Variants in PZP observed in about 807,000 individuals in gnomAD.
PZP encodes PZP alpha-2-macroglobulin like, also known as pregnancy zone protein.
In PZP, 150 loss-of-function variants were observed where a neutral mutation model predicts 179.8. That is an observed-to-expected ratio of 0.83 (90% confidence interval 0.73 to 0.96). The LOEUF (loss-of-function observed/expected upper bound fraction) is 0.96, where lower values mean the gene tolerates loss of function less well. PZP is among the 40% of genes least tolerant of loss of function. PZP has a pLI of 0.00. For missense variants in PZP, 1,689 were observed against 1,764.0 expected, an observed-to-expected ratio of 0.96 and a Z score of 0.76; for synonymous variants, 624 against 652.3, an observed-to-expected ratio of 0.96 and a Z score of 0.66.
At chr12:9,169,114 A>C (rs1941799267) in intron 16 of PZP, 140 bp from the exon 17 acceptor site, 1 of 620,462 alleles carries the variant, frequency 1.6e-6, no homozygotes, top group African/African-American at 1.9e-5. Flanking sequence ...AATATAGAGT[A>C]GTGAAATTAC....
At chr12:9,149,077 T>C (rs1256615887) in intron 35 of PZP, 83 bp from the exon 36 acceptor site, 1 of 1,294,804 alleles carries the variant, frequency 7.7e-7, no homozygotes, top group Admixed American at 1.7e-5. Flanking sequence ...AGTGAGCTTA[T>C]GCAGGGTCAG....
the PZP span, among the ~76,000 whole-genome samples, chr12:9,137,107 C>T: frequency 6.6e-6 from 1 of 152,154 alleles, no homozygotes; most frequent in Admixed American, 6.5e-5. Flanking sequence ...ATTGCCAAGA[C>T]CAAGATCATA....
chr12:9,138,823 A>T, the PZP span, among the ~76,000 whole-genome samples: 3,476 of 152,024 alleles, frequency 0.023, 134 homozygotes, highest in African/African-American at 0.078. Flanking sequence ...GAGCAGTTAT[A>T]ATGTATCTTC....
chr12:9,207,425 A>C (rs1944491857), intron 1 of PZP, among the ~76,000 whole-genome samples: 1 of 152,216 alleles, frequency 6.6e-6, no homozygotes, highest in Non-Finnish European at 1.5e-5. Context: ...CCTGGACTGC[A>C]AAGGGGCAAG....
chr12:9,156,791 G>T (rs1940786420), intron 28 of PZP, among the ~76,000 whole-genome samples: 1 of 152,162 alleles, frequency 6.6e-6, no homozygotes, highest in South Asian at 2.1e-4. Context: ...GTGGATTTCA[G>T]AAGGAATATA....
intron 13 of PZP, among the ~76,000 whole-genome samples, chr12:9,191,759 A>G (rs766272596): frequency 2.6e-5 from 4 of 152,246 alleles, no homozygotes; most frequent in South Asian, 2.1e-4. Context: ...AGTGAATCCA[A>G]TTTCGTATAT....
chr12:9,202,326 T>G lies in PZP; in HGVS notation c.473A>C (p.Asn158Thr). Reference protein sequence around the residue: ...VSVDENFRPRNELIPLIYLEN... With the variant: ...VSVDENFRPRTELIPLIYLEN... ...CAGATAGTGGATGCTTACCAGTTCA[T>G]TTCGAGGGCGAAAATTTTCATCCAC... is the stretch of plus-strand genomic sequence containing the variant. The change falls in exon 4 of 36, where the codon AAT becomes ACT. Residue 158 changes from asparagine (N) to threonine (T), a missense_variant. Asn to Thr is a moderately conservative substitution (Grantham distance 65). This residue lies in a region of PZP where 742 missense variants were observed against 730.5 expected (regional missense o/e 1.02). Coordinates refer to ENST00000261336, the MANE Select transcript of PZP (RefSeq NM_002864.3). 6.2e-7 allele frequency: 1 copy of G among 1,613,906 alleles called. No homozygotes were observed. Among genetic ancestry groups the G allele is most frequent in the Non-Finnish European group, 8.5e-7 (1 of 1,179,772 alleles).
chr12:9,157,299 C>G lies in PZP; in HGVS notation c.3426G>C (p.Lys1142Asn), dbSNP rs1940831041. 6.2e-7 allele frequency: 1 copy of G among 1,613,928 alleles called. No individual in the cohort carries two copies. Among genetic ancestry groups the G allele is most frequent in the African/African-American group, 1.3e-5 (1 of 74,908 alleles). The change falls in exon 28 of 36, where the codon AAG becomes AAC. Residue 1142 changes from lysine to asparagine, a missense_variant. Physicochemically the swap from Lys to Asn is moderately conservative, Grantham distance 94. Around this residue, in one of 3 missense-constraint regions of PZP, gnomAD observed 746 missense variants for 749.2 expected, o/e 1.00. Transcript: ENST00000261336. ...FCLESAWNVA[K>N]EGTHGSHVYT... is the part of the protein sequence containing the mutation. ...AGACATGGCTCCCATGGGTCCCCTC[C>G]TTTGCTACATTCCAGGCTGACTCCA... is the stretch of plus-strand genomic sequence containing the variant.
chr12:9,200,549 A>C, intron 6 of PZP, 101 bp from the exon 7 acceptor site: 1 of 906,410 alleles, frequency 1.1e-6, no homozygotes, highest in Non-Finnish European at 1.7e-6. Flanking sequence ...TAACACTCTG[A>C]ATGTTAGATT....
intron 25 of PZP, among the ~76,000 whole-genome samples, chr12:9,158,912 T>C (rs1304829392): frequency 2.0e-5 from 3 of 152,144 alleles, no homozygotes; most frequent in Non-Finnish European, 4.4e-5. Context: ...GTGGGCTCTA[T>C]GAATTTATTT....
chr12:9,196,337 A>G lies in PZP; in HGVS notation c.1085T>C (p.Phe362Ser). 6.2e-7 allele frequency: 1 copy of G among 1,607,266 alleles called. No homozygotes were observed. The highest frequency in any genetic ancestry group is 1.1e-5 in the South Asian group (1 of 90,932). ...DSHFRQGIPF[F>S]AQVLLVDGKG... ...CATTACAACATATCTTACCTGTGCAAAAAAGGGGATTCCTTGTCTAAAGTG... is the reference window on the plus strand; with the variant it reads ...CATTACAACATATCTTACCTGTGCAGAAAAGGGGATTCCTTGTCTAAAGTG... The change falls in exon 10 of 36, where the codon TTT becomes TCT. Residue 362 changes from phenylalanine (F) to serine (S), a missense_variant. Phe to Ser is a radical substitution (Grantham distance 155). Transcript: ENST00000261336.
chr12:9,149,577 G>C lies in PZP; in HGVS notation c.4410C>G (p.Ile1470Met), dbSNP rs775801514. 1.2e-6 allele frequency: 2 copies of C among 1,612,822 alleles called. No individual in the cohort carries two copies. The highest frequency in any genetic ancestry group is 2.7e-5 in the African/African-American group (2 of 74,854). Residue 1470 changes from isoleucine (I) to methionine (M), a missense_variant, in exon 35 of 36, where the codon ATC (isoleucine) becomes ATG (methionine). By Grantham distance (10) the Ile-to-Met change is conservative (BLOSUM62 1). This residue lies in a region of PZP where 746 missense variants were observed against 749.2 expected (regional missense o/e 1.00). Coordinates refer to ENST00000261336, the MANE Select transcript of PZP (RefSeq NM_002864.3). ...ETDESVVAEY[I>M]APCSTDTEHG... is the part of the protein sequence containing the mutation. ...AACTCTTACCTGTGCTGCAGGGGGC[G>C]ATATACTCAGCAACCACAGACTCAT...
intron 19 of PZP, 112 bp downstream of exon 19, chr12:9,165,027 T>C (rs1941485461): frequency 7.6e-7 from 1 of 1,317,110 alleles, no homozygotes; most frequent in Non-Finnish European, 1.1e-6. Context: ...TTCACAGTGC[T>C]AACACACAAT....
chr12:9,164,080 A>G (rs1175917333), intron 20 of PZP, 53 bp downstream of exon 20: 7 of 1,543,618 alleles, frequency 4.5e-6, no homozygotes, highest in Non-Finnish European at 6.2e-6. Context: ...AAAAGTACTC[A>G]GACAGCCACC....
At chr12:9,179,912 A>G (rs1197083688) in intron 15 of PZP, among the ~76,000 whole-genome samples, 1 of 152,214 alleles carries the variant, frequency 6.6e-6, no homozygotes, top group Non-Finnish European at 1.5e-5. Flanking sequence ...CAGATTCAGA[A>G]TTTCAAAATC....
rs542544806 is a variant in PZP, at chr12:9,151,519, C to T, written c.4281+85G>A. The T allele has an allele frequency of 3.8e-5, 43 of 1,132,112 alleles. No individual in the cohort carries two copies. The African/African-American group carries it at 6.0e-4, about 16-fold the overall frequency. 70.1% of individuals were successfully genotyped at this position (1,132,112 alleles called of 1,614,324 possible). A position where few individuals can be genotyped will look rare whatever the true frequency, so the allele number is the denominator to read the frequency against. On this transcript the variant is annotated intron_variant, in intron 33 of 35. Coordinates refer to ENST00000261336, the MANE Select transcript of PZP (RefSeq NM_002864.3). ...AAGGGCATTACTAATGATTGTTTTC[C>T]TCATGTTACCGACTATTCTAGTAAA...
At chr12:9,151,724 G>T in intron 32 of PZP, 52 bp from the exon 33 acceptor site, 4 of 1,439,000 alleles carry the variant, frequency 2.8e-6, no homozygotes, top group Middle Eastern at 1.8e-4. Flanking sequence ...ATGTGAGAAT[G>T]GTGTGAGATC....
At chr12:9,180,810 T>C (rs1942708496) in intron 15 of PZP, among the ~76,000 whole-genome samples, 173 bp downstream of exon 15, 1 of 152,138 alleles carries the variant, frequency 6.6e-6, no homozygotes, top group African/African-American at 2.4e-5. Context: ...GGGATCTAAT[T>C]AAACTAAAGA....
In PZP at chr12:9,203,755, C is replaced by T. The variant is rs1239002862; in HGVS notation, c.267+13G>A. 1.2e-6 allele frequency: 2 copies of T among 1,613,716 alleles called. No individual in the cohort carries two copies. The highest frequency in any genetic ancestry group is 1.7e-6 in the Non-Finnish European group (2 of 1,179,802). ...ATCAAGCAGGGATAGCCAGCTGGCACCGTAGCACTCACAGTGAAGGAGACA... is the reference window on the plus strand; with the variant it reads ...ATCAAGCAGGGATAGCCAGCTGGCATCGTAGCACTCACAGTGAAGGAGACA... On this transcript the variant is annotated intron_variant, in intron 2 of 35. Transcript: ENST00000261336.
Sources: allele counts gnomAD v4.1 joint callset (sites outside exome capture counted in the v4.1 genomes callset), GRCh38; gene constraint gnomAD v4.1.1; regional missense constraint gnomAD v4.1.1; transcripts MANE v1.5; gene names NCBI Gene and HGNC (gene_info 2026-07-23, HGNC 2026-07-21).